MYBBP1A: variants seen among roughly 807,000 people sequenced by gnomAD.
MYBBP1A encodes myb-binding protein 1A.
A neutral mutation model predicts 136.3 loss-of-function variants in MYBBP1A; 147 were observed. That is an observed-to-expected ratio of 1.08 (90% CI 0.94 to 1.24). The LOEUF is 1.24. Among genes scored for constraint, MYBBP1A ranks in the 50% most tolerant of loss-of-function variants. The pLI is 0.00. For missense variants in MYBBP1A, 2,060 were observed against 1,727.4 expected, an observed-to-expected ratio of 1.19 and a Z score of -3.41; for synonymous variants, 947 against 735.8, an observed-to-expected ratio of 1.29 and a Z score of -4.65.
At chr17:4,540,611 C>T in intron 24 of MYBBP1A, 127 bp from the exon 25 acceptor site, 1 of 1,180,834 alleles carries the variant, frequency 8.5e-7, no homozygotes, top group South Asian at 1.9e-5. Flanking sequence ...GGGCCTCAGC[C>T]TCTCCTTCTG....
chr17:4,541,082 G>A (rs960711189), intron 24 of MYBBP1A, among the ~76,000 whole-genome samples: 1 of 152,228 alleles, frequency 6.6e-6, no homozygotes, highest in Non-Finnish European at 1.5e-5. Flanking sequence ...TCCCAGCCCT[G>A]CCCTGATGGC....
Position 4,543,108 on chromosome 17 carries a change from G to A in MYBBP1A, c.2697C>T (p.Ala899=), listed in dbSNP as rs775559564. The A allele has an allele frequency of 2.3e-5, 37 of 1,612,558 alleles. No individual in the cohort carries two copies. The South Asian group carries it at 4.1e-4, about 18-fold the overall frequency. The change falls in exon 20 of 26, where the codon GCC becomes GCT. Residue 899 remains alanine (A), a synonymous_variant. Transcript: ENST00000254718. ...CCAACCGCTCCACCTGGGCGTGCAG[G>A]GCCCCTGCGCGCTCACCCAAGTCGT... ...YCHDLGERAG[A]LHAQVERLVQ...
At position 4,555,367 on chromosome 17, in the gene MYBBP1A, C is replaced by T. The variant is rs1206210110; in HGVS notation, c.-43G>A. The T allele has an allele frequency of 2.6e-6, 4 of 1,557,546 alleles. No homozygotes were observed. The highest frequency in any genetic ancestry group is 1.4e-5 in the African/African-American group (1 of 73,670). On this transcript the variant is annotated 5_prime_UTR_variant, in exon 1 of 26. Transcript: ENST00000254718. ...AAACACGAAACACGTGTGCTCCGGC[C>T]CCAGCCGCTTCCAGGTCAGGGCACG...
At chr17:4,546,721 T>C (rs1907048731) in intron 13 of MYBBP1A, among the ~76,000 whole-genome samples, 1 of 152,228 alleles carries the variant, frequency 6.6e-6, no homozygotes, top group Non-Finnish European at 1.5e-5. Flanking sequence ...GGTGTGCGCA[T>C]GTGCGTGTGC....
intron 23 of MYBBP1A, 107 bp from the exon 24 acceptor site, chr17:4,541,671 C>A: frequency 7.0e-7 from 1 of 1,419,880 alleles, no homozygotes; most frequent in Admixed American, 1.7e-5. Context: ...CTGGGACAAC[C>A]CCAGTTCTCC....
rs1906057363 is a variant in MYBBP1A at position 4,538,978 on chromosome 17, TAAGA to T, written c.*433_*436del. ...CTGCTGATTGTGAATCTCAGAGTCTTAAGAGAGAAGCCAAATATATTCCTCTTGT... is the reference window on the plus strand; with the variant it reads ...CTGCTGATTGTGAATCTCAGAGTCTTGAGAAGCCAAATATATTCCTCTTGT... On this transcript the variant is annotated 3_prime_UTR_variant, in exon 26 of 26. Coordinates refer to ENST00000254718, the MANE Select transcript of MYBBP1A (RefSeq NM_014520.4). 1 of 798,458 alleles carries T rather than the reference TAAGA, an allele frequency of 1.3e-6. No individual in the cohort carries two copies. The highest frequency in any genetic ancestry group is 2.3e-6 in the Non-Finnish European group (1 of 434,072). The allele number at this position is 798,458 out of a possible 1,614,324, so 49.5% of individuals were successfully genotyped here.
rs918005194 is a variant in MYBBP1A at position 4,548,505 on chromosome 17, T to G, written c.1556+19A>C. On this transcript the variant is annotated intron_variant, in intron 11 of 25. Transcript: ENST00000254718. The surrounding 1 kb of genome is among the most constrained non-coding windows in gnomAD (Gnocchi z 4.2). ...GGCCTTCCCACCTTCGGACCTCTCC[T>G]GGGCTGCCCAAGACTCACCTGAAGA... 1 of 1,613,700 alleles carries G rather than the reference T, an allele frequency of 6.2e-7. No homozygotes were observed. The highest frequency in any genetic ancestry group is 8.5e-7 in the Non-Finnish European group (1 of 1,180,018).
chr17:4,550,436 G>GCAACAGCCCAACAGCC (rs372114838), intron 8 of MYBBP1A, 83 bp from the exon 9 acceptor site: 1 of 1,493,246 alleles, frequency 6.7e-7, no homozygotes, highest in Non-Finnish European at 9.0e-7. Flanking sequence ...GGGCAGGCGG[G>GCAACAGCCCAACAGCC]CAACAGCCCA....
chr17:4,545,067 G>T lies in MYBBP1A; in HGVS notation c.2269C>A (p.Arg757=). ...ERDGDVDQGF[R]EQLMTVLQAG... is the part of the protein sequence containing the mutation. ...TGCAGCACGGTCATCAGCTGTTCCC[G>T]GAAGCCCTGATCCACGTCCCCGTCG... Residue 757 remains arginine (R), a synonymous_variant, in exon 17 of 26, where the codon CGG becomes AGG. Transcript: ENST00000254718. 1 of 1,546,006 alleles carries T rather than the reference G, an allele frequency of 6.5e-7. No individual in the cohort carries two copies.
intron 19 of MYBBP1A, 124 bp downstream of exon 19, chr17:4,544,365 G>C: frequency 7.7e-7 from 1 of 1,299,810 alleles, no homozygotes. Context: ...GAGCCTGCGA[G>C]CTAGGGGCCC....
chr17:4,546,303 G>A (rs1330715480), intron 13 of MYBBP1A, among the ~76,000 whole-genome samples: 1 of 152,184 alleles, frequency 6.6e-6, no homozygotes, highest in Admixed American at 6.5e-5. Flanking sequence ...ATTTTGAGTA[G>A]AGACGGGGTT....
At position 4,543,045 on chromosome 17, in the gene MYBBP1A, G is replaced by T; in HGVS notation, c.2760C>A (p.Ala920=). The change falls in exon 20 of 26, where the codon GCC becomes GCA. Residue 920 remains alanine, a synonymous_variant. Transcript: ENST00000254718. ...AGAGAGAGGCGTTGAAGTGGTAGAG[G>T]GCGGTGGGGGAGTCGGGCTGGCGGC... The part of the protein sequence containing the change: ...QAGRQPDSPT[A]LYHFNASLYL... 6.2e-7 allele frequency: 1 copy of T among 1,613,574 alleles called. No individual in the cohort carries two copies. Among genetic ancestry groups the T allele is most frequent in the Non-Finnish European group, 8.5e-7 (1 of 1,179,946 alleles).
In MYBBP1A at chr17:4,544,550, G is replaced by A. The variant is rs1906770012; in HGVS notation, c.2578C>T (p.Leu860=). ...EPLLSIIRRS[L]RSSSSKQEQD... ...TCCTGTTTGGAGCTGCTGCTGCGCA[G>A]GCTGCGCCGGATGATGCTCAGCAGC... Residue 860 remains leucine, a synonymous_variant, in exon 19 of 26, where the codon CTG becomes TTG. Coordinates refer to ENST00000254718, the MANE Select transcript of MYBBP1A (RefSeq NM_014520.4). The A allele has an allele frequency of 3.8e-6, 6 of 1,561,062 alleles. No homozygotes were observed. Among genetic ancestry groups the A allele is most frequent in the East Asian group, 2.4e-5 (1 of 41,776 alleles).
In MYBBP1A at chr17:4,543,155, A is replaced by G; in HGVS notation, c.2650T>C (p.Cys884Arg). The G allele has an allele frequency of 6.2e-7, 1 of 1,606,476 alleles. No homozygotes were observed. Residue 884 changes from cysteine to arginine, a missense_variant, in exon 20 of 26, where the codon TGC (cysteine) becomes CGC (arginine). Cys to Arg is a radical substitution (Grantham distance 180). Transcript: ENST00000254718. ...TCGTGGCAGTAGCGCCGGGCACGGC[A>G]CAGGTGGTGCCTGTGGGTGGTGAGG... Reference protein sequence around the residue: ...KTARIFTHHLCRARRYCHDLG... With the variant: ...KTARIFTHHLRRARRYCHDLG...
rs777911987 is a variant in MYBBP1A at position 4,541,847 on chromosome 17, C to T, written c.3132G>A (p.Arg1044=). 5.0e-6 allele frequency: 8 copies of T among 1,614,076 alleles called. No individual in the cohort carries two copies. The highest frequency in any genetic ancestry group is 1.1e-5 in the South Asian group (1 of 91,086). ...TCCACTCGGGGTCCTCAAAGCACGA[C>T]CTCACCTCCCGCATGGACAGGGTCT... The part of the protein sequence containing the change: ...LQKTLSMREV[R]SCFEDPEWKQ... The change falls in exon 23 of 26, where the codon AGG becomes AGA. Residue 1044 remains arginine (R), a synonymous_variant. Transcript: ENST00000254718.
rs1412687653 is a variant in MYBBP1A, at chr17:4,544,846, G to A, written c.2386C>T (p.Leu796Phe). The A allele has an allele frequency of 8.1e-6, 13 of 1,607,200 alleles. No individual in the cohort carries two copies. The highest frequency in any genetic ancestry group is 2.2e-5 in the South Asian group (2 of 89,642). Residue 796 changes from leucine to phenylalanine, a missense_variant, in exon 18 of 26, where the codon CTC (leucine) becomes TTC (phenylalanine). Physicochemically the swap from Leu to Phe is conservative, Grantham distance 22. Coordinates refer to ENST00000254718, the MANE Select transcript of MYBBP1A (RefSeq NM_014520.4). The stretch of plus-strand genomic sequence containing the variant: ...ATACGCAGCTTCTGCTCGGCAAAGA[G>A]GCTGGCGAGGCTCTGGTCCAGGGCC... ...MMALDQSLAS[L>F]FAEQKLRIQA...
chr17:4,554,922 AT>A lies in MYBBP1A; in HGVS notation c.232del (p.Ile78SerfsTer47). ...TTCTCGCCCGACCCCGAGTCCCGTG[AT>A]TAGACGCTTCAGGGCATATTTCATC... Reference protein sequence around the residue: ...SEMKYALKRLITGLGVGRETA... With the variant: ...SEMKYALKRLXTGLGVGRETA... On this transcript the variant is annotated frameshift_variant, in exon 2 of 26. Transcript: ENST00000254718. LOFTEE classifies it high-confidence loss of function. The A allele has an allele frequency of 1.2e-6, 2 of 1,613,540 alleles. No individual in the cohort carries two copies. The highest frequency in any genetic ancestry group is 1.7e-6 in the Non-Finnish European group (2 of 1,180,012).
chr17:4,542,283 G>C, intron 22 of MYBBP1A, 181 bp downstream of exon 22: 1 of 684,536 alleles, frequency 1.5e-6, no homozygotes, highest in Non-Finnish European at 2.4e-6. Flanking sequence ...CTGTGTGGCA[G>C]GGGCCAGGGC....
In MYBBP1A at chr17:4,548,460, G is replaced by A. The variant is rs1029209102; in HGVS notation, c.1556+64C>T. Reference sequence around the variant, plus strand: ...CGTTGTTCCCAGCTTAGGGGACCTGGAGGGAGCAGGCGCCCTCAAGGCCTT... The same window carrying A: ...CGTTGTTCCCAGCTTAGGGGACCTGAAGGGAGCAGGCGCCCTCAAGGCCTT... On this transcript the variant is annotated intron_variant, in intron 11 of 25. Transcript: ENST00000254718. This position sits in a 1 kb window ranked among gnomAD's most constrained non-coding sequence, Gnocchi z 4.2. 6.2e-7 allele frequency: 1 copy of A among 1,611,890 alleles called. No individual in the cohort carries two copies. The highest frequency in any genetic ancestry group is 1.3e-5 in the African/African-American group (1 of 74,874).
Sources: gnomAD v4.1 joint callset for allele counts (sites outside exome capture counted in the v4.1 genomes callset) on GRCh38, gnomAD v4.1.1 for gene constraint, Gnocchi (gnomAD v3.1) non-coding constraint, MANE v1.5 for transcripts, NCBI Gene and HGNC (gene_info 2026-07-23, HGNC 2026-07-21) for gene names.